Variants in PLCD1 observed in about 807,000 individuals in gnomAD.
The protein encoded by PLCD1 is 1-phosphatidylinositol 4,5-bisphosphate phosphodiesterase delta-1.
Under a neutral mutation model 87.4 loss-of-function variants are expected in PLCD1, and 71 were observed. The ratio of observed to expected loss-of-function variants is 0.81; its 90% CI spans 0.67 to 0.99. The LOEUF (loss-of-function observed/expected upper bound fraction) is 0.99. Among genes scored for constraint, PLCD1 ranks in the 50% least tolerant of loss-of-function variants. The pLI, the probability that PLCD1 is intolerant of heterozygous loss-of-function variation, is 0.00. For missense variants in PLCD1, 867 were observed against 1,001.5 expected, an observed-to-expected ratio of 0.87 and a Z score of 1.81; for synonymous variants, 348 against 399.2, an observed-to-expected ratio of 0.87 and a Z score of 1.53.
chr3:38,007,853 G>A lies in PLCD1; in HGVS notation c.2191C>T (p.Arg731Cys), dbSNP rs142785779. ...IPLNSLKQGY[R>C]HVHLMSKNGD... The stretch of plus-strand genomic sequence containing the variant: ...TTCTTAGACATGAGGTGGACATGGC[G>A]GTATCCTGGTGGGTGGACAGGCAGG... The change falls in exon 15 of 15, where the codon CGC (arginine) becomes TGC (cysteine). Residue 731 changes from arginine to cysteine, a missense_variant. Transcript: ENST00000334661. The A allele has an allele frequency of 9.9e-6, 16 of 1,613,978 alleles. No individual in the cohort carries two copies. The East Asian group carries it at 1.3e-4, about 13-fold the overall frequency.
At chr3:38,023,082 G>C (rs1227194804) in intron 1 of PLCD1, among the ~76,000 whole-genome samples, 1 of 152,142 alleles carries the variant, frequency 6.6e-6, no homozygotes, top group Non-Finnish European at 1.5e-5. Context: ...GTGGCCATGT[G>C]GTGGGGCATA....
intron 2 of PLCD1, among the ~76,000 whole-genome samples, chr3:38,019,275 A>C (rs925692686): frequency 3.9e-5 from 6 of 152,242 alleles, no homozygotes; most frequent in African/African-American, 1.4e-4. Flanking sequence ...TTCAGCAGCC[A>C]CTAGCCACCT....
chr3:38,012,579 C>T (rs1028593956), intron 3 of PLCD1, among the ~76,000 whole-genome samples: 4 of 148,570 alleles, frequency 2.7e-5, no homozygotes, highest in East Asian at 2.0e-4. Flanking sequence ...TACACTGGCG[C>T]GATCTCGGCT....
intron 1 of PLCD1, among the ~76,000 whole-genome samples, chr3:38,021,479 A>G (rs1457027932): frequency 1.3e-5 from 2 of 152,176 alleles, no homozygotes; most frequent in Non-Finnish European, 2.9e-5. Context: ...AGGCCCAGAC[A>G]GGAGGCACCA....
Position 38,008,491 on chromosome 3 carries a change from C to T in PLCD1, c.1869G>A (p.Gly623=). The change falls in exon 12 of 15, where the codon GGG becomes GGA. Residue 623 remains glycine (G), a synonymous_variant. Coordinates refer to ENST00000334661, the MANE Select transcript of PLCD1 (RefSeq NM_006225.4). ...GTFNPRALAQ[G]PWWARKRLNI... is the part of the protein sequence containing the mutation. ...TGAGCCGCTTCCGTGCCCACCAGGG[C>T]CCCTGAGCCAGGGCGCGGGGGTTAA... 6.2e-7 allele frequency: 1 copy of T among 1,614,168 alleles called. No homozygotes were observed. The highest frequency in any genetic ancestry group is 1.1e-5 in the South Asian group (1 of 91,090).
intron 5 of PLCD1, among the ~76,000 whole-genome samples, chr3:38,010,950 C>T (rs1383012423): frequency 6.6e-6 from 1 of 152,184 alleles, no homozygotes; most frequent in Non-Finnish European, 1.5e-5. Context: ...AGCCATCTCT[C>T]TTGTTTCTTG....
intron 2 of PLCD1, among the ~76,000 whole-genome samples, chr3:38,019,428 T>C (rs985543748): frequency 3.3e-5 from 5 of 152,098 alleles, no homozygotes; most frequent in African/African-American, 1.2e-4. Context: ...ATATAGAACA[T>C]TTCCATCATT....
Position 38,008,052 on chromosome 3 carries a change from A to G in PLCD1, c.2147T>C (p.Ile716Thr). Residue 716 changes from isoleucine to threonine, a missense_variant, in exon 14 of 15, where the codon ATT becomes ACT. Coordinates refer to ENST00000334661, the MANE Select transcript of PLCD1 (RefSeq NM_006225.4). Reference sequence around the variant, plus strand: ...GTTCAAGGGGATGGTACTCTGGCCAATGAAGTCATTCTTGGAGGAGGCATC... The same window carrying G: ...GTTCAAGGGGATGGTACTCTGGCCAGTGAAGTCATTCTTGGAGGAGGCATC... Reference protein sequence around the residue: ...DYDASSKNDFIGQSTIPLNSL... With the variant: ...DYDASSKNDFTGQSTIPLNSL... The G allele has an allele frequency of 6.2e-7, 1 of 1,614,214 alleles. No individual in the cohort carries two copies.
At chr3:38,026,102 A>G (rs1180414079) in intron 1 of PLCD1, among the ~76,000 whole-genome samples, 3 of 152,250 alleles carry the variant, frequency 2.0e-5, no homozygotes, top group Non-Finnish European at 1.5e-5. Flanking sequence ...AGCCTGTGTT[A>G]TGGAGAAACT....
intron 6 of PLCD1, 29 bp downstream of exon 6, chr3:38,010,332 C>T (rs377748100): frequency 8.1e-6 from 13 of 1,614,200 alleles, no homozygotes; most frequent in Non-Finnish European, 1.1e-5. Context: ...CCCACCCAGA[C>T]TCCCGACCCA....
intron 2 of PLCD1, among the ~76,000 whole-genome samples, 175 bp from the exon 3 acceptor site, chr3:38,016,894 G>A (rs72864000): frequency 6.6e-6 from 1 of 152,100 alleles, no homozygotes; most frequent in East Asian, 1.9e-4. Flanking sequence ...TTGGACAAGT[G>A]GGGGACAAAA....
In PLCD1 at chr3:38,018,141, A is replaced by C. The variant is rs1700184552; in HGVS notation, c.200-1422T>G. Among the ~76,000 whole-genome samples, 1 of 152,194 alleles carries C rather than the reference A, an allele frequency of 6.6e-6. No homozygotes were observed. The highest frequency in any genetic ancestry group is 2.1e-4 in the South Asian group (1 of 4,832). On this transcript the variant is annotated intron_variant, in intron 2 of 14. Transcript: ENST00000334661. This position sits in a 1 kb window ranked among gnomAD's most constrained non-coding sequence, Gnocchi z 5.7. ...ACTTAAAAAGCAGGAAGCAGAGCTA[A>C]AGAAAACTGGGCAGAAGGGGAGGCT...
Position 38,008,107 on chromosome 3 carries a change from C to T in PLCD1, c.2092G>A (p.Ala698Thr), listed in dbSNP as rs761355914. 6.2e-7 allele frequency: 1 copy of T among 1,614,142 alleles called. No homozygotes were observed. The highest frequency in any genetic ancestry group is 8.5e-7 in the Non-Finnish European group (1 of 1,180,026). The stretch of plus-strand genomic sequence containing the variant: ...TCTTCCACCAAGAAGCGGATGAGGG[C>T]AAGGTCAGGCACAACTACCTCAAAC... ...FAFEVVVPDL[A>T]LIRFLVEDYD... The change falls in exon 14 of 15, where the codon GCC (alanine) becomes ACC (threonine). Residue 698 changes from alanine to threonine, a missense_variant. By Grantham distance (58) the Ala-to-Thr change is moderately conservative. Transcript: ENST00000334661.
At chr3:38,022,647 A>T (rs1296521312) in intron 1 of PLCD1, among the ~76,000 whole-genome samples, 1 of 152,190 alleles carries the variant, frequency 6.6e-6, no homozygotes, top group Non-Finnish European at 1.5e-5. Context: ...CCCAGCTGCC[A>T]ACAATGGTTT....
intron 5 of PLCD1, 34 bp downstream of exon 5, chr3:38,011,180 G>C (rs547800973): frequency 7.2e-6 from 11 of 1,521,194 alleles, no homozygotes; most frequent in Non-Finnish European, 9.9e-6. Context: ...GCGGCCCTGC[G>C]ACTGCAGGTA....
chr3:38,021,302 C>T (rs1700230161), intron 1 of PLCD1, among the ~76,000 whole-genome samples: 1 of 152,208 alleles, frequency 6.6e-6, no homozygotes, highest in Admixed American at 6.5e-5. Flanking sequence ...TCTGGGACCC[C>T]TCAGGATACA....
chr3:38,007,593 C>T lies in PLCD1; in HGVS notation c.*180G>A. On this transcript the variant is annotated 3_prime_UTR_variant, in exon 15 of 15. Coordinates refer to ENST00000334661, the MANE Select transcript of PLCD1 (RefSeq NM_006225.4). Reference sequence around the variant, plus strand: ...ATTCCTAACGGAATGAAGGACAGCTCCAGGGACTGGGCTAGCTCCTGGTCC... The same window carrying T: ...ATTCCTAACGGAATGAAGGACAGCTTCAGGGACTGGGCTAGCTCCTGGTCC... 1 of 702,332 alleles carries T rather than the reference C, an allele frequency of 1.4e-6. No homozygotes were observed. The highest frequency in any genetic ancestry group is 1.5e-5 in the South Asian group (1 of 66,700). The allele number at this position is 702,332 out of a possible 1,614,324, so 43.5% of individuals were successfully genotyped here. A position where few individuals can be genotyped will look rare whatever the true frequency, so the allele number is the denominator to read the frequency against.
intron 2 of PLCD1, 52 bp from the exon 3 acceptor site, chr3:38,016,771 T>G: frequency 1.1e-5 from 15 of 1,305,542 alleles, no homozygotes; most frequent in Non-Finnish European, 1.6e-5. Context: ...GTGAGGTCAG[T>G]CCCTGACCCT....
intron 3 of PLCD1, among the ~76,000 whole-genome samples, chr3:38,012,679 G>C (rs888447056): frequency 5.9e-5 from 9 of 152,002 alleles, no homozygotes; most frequent in African/African-American, 2.2e-4. Context: ...ACCATGCCCA[G>C]CTAATTTTTG....
Sources: allele counts gnomAD v4.1 joint callset (sites outside exome capture counted in the v4.1 genomes callset), GRCh38; gene constraint gnomAD v4.1.1; non-coding constraint Gnocchi (gnomAD v3.1); transcripts MANE v1.5; gene names NCBI Gene and HGNC (gene_info 2026-07-23, HGNC 2026-07-21).